The following GRIK3 variants were observed in gnomAD, a reference collection of about 807,000 sequenced individuals.
The protein encoded by GRIK3 is glutamate ionotropic receptor kainate type subunit 3.
Under a neutral mutation model 102.5 loss-of-function variants are expected in GRIK3, and 29 were observed. The observed-to-expected ratio is 0.28, with a 90% CI of 0.21 to 0.39. The LOEUF (loss-of-function observed/expected upper bound fraction) is 0.39, where lower values mean the gene tolerates loss of function less well. Among genes scored for constraint, GRIK3 ranks in the 10% least tolerant of loss-of-function variants. The pLI, the probability that GRIK3 is intolerant of heterozygous loss-of-function variation, is 1.00. For missense variants in GRIK3, 908 were observed against 1,252.4 expected, an observed-to-expected ratio of 0.73 and a Z score of 4.15; for synonymous variants, 511 against 504.9, an observed-to-expected ratio of 1.01 and a Z score of -0.16.
intron 1 of GRIK3, among the ~76,000 whole-genome samples, chr1:36,934,926 C>T (rs1271216899): frequency 6.6e-6 from 1 of 152,196 alleles, no homozygotes; most frequent in Admixed American, 6.5e-5. Flanking sequence ...TTTTCTTCTC[C>T]ATATCTGGCA....
At chr1:36,997,278 T>G (rs1395705271) in intron 1 of GRIK3, among the ~76,000 whole-genome samples, 2 of 152,176 alleles carry the variant, frequency 1.3e-5, no homozygotes, top group African/African-American at 4.8e-5. Context: ...GAGCAAGGTT[T>G]ATGGCGCGTT....
chr1:36,952,871 G>C (rs529043241), intron 1 of GRIK3, among the ~76,000 whole-genome samples: 1 of 152,306 alleles, frequency 6.6e-6, no homozygotes, highest in South Asian at 2.1e-4. Context: ...GCCAAATCTG[G>C]AGGAGAGGGA....
At chr1:36,990,622 A>C (rs1642354616) in intron 1 of GRIK3, among the ~76,000 whole-genome samples, 1 of 152,198 alleles carries the variant, frequency 6.6e-6, no homozygotes, top group South Asian at 2.1e-4. Context: ...CAACTTGAGA[A>C]GGAGAAAAAT....
chr1:36,805,407 G>A (rs1642488377), intron 14 of GRIK3, among the ~76,000 whole-genome samples, 170 bp from the exon 15 acceptor site: 1 of 152,216 alleles, frequency 6.6e-6, no homozygotes, highest in Non-Finnish European at 1.5e-5. Flanking sequence ...ATCTGGGTGA[G>A]TGGAAATGTC....
chr1:36,806,233 C>T lies in GRIK3; in HGVS notation c.2185G>A (p.Ala729Thr). 1 of 1,614,050 alleles carries T rather than the reference C, an allele frequency of 6.2e-7. No homozygotes were observed. Among genetic ancestry groups the T allele is most frequent in the Non-Finnish European group, 8.5e-7 (1 of 1,179,884 alleles). ...AGCAGCGCGTAGTCGGCCGTCAGGG[C>T]CCTCTGGATGCCCTCCTCGTTGTTC... Reference protein sequence around the residue: ...VKNNEEGIQRALTADYALLME... With the variant: ...VKNNEEGIQRTLTADYALLME... Residue 729 changes from alanine to threonine, a missense_variant, in exon 14 of 16, where the codon GCC (alanine) becomes ACC (threonine). Coordinates refer to ENST00000373091, the MANE Select transcript of GRIK3 (RefSeq NM_000831.4). This position sits in a 1 kb window ranked among gnomAD's most constrained non-coding sequence, Gnocchi z 4.0.
At chr1:36,828,289 C>T (rs978654302) in intron 10 of GRIK3, among the ~76,000 whole-genome samples, 1 of 152,158 alleles carries the variant, frequency 6.6e-6, no homozygotes, top group Non-Finnish European at 1.5e-5. Flanking sequence ...TGTAGAAGGT[C>T]TTTGATTCCA....
In GRIK3 at chr1:37,033,981, A is replaced by G. The variant is rs1213657470; in HGVS notation, c.115+13T>C. The G allele has an allele frequency of 2.2e-5, 33 of 1,514,826 alleles. No homozygotes were observed. Among genetic ancestry groups the G allele is most frequent in the Non-Finnish European group, 2.7e-5 (30 of 1,106,328 alleles). 93.8% of individuals were successfully genotyped at this position (1,514,826 alleles called of 1,614,324 possible). On this transcript the variant is annotated intron_variant, in intron 1 of 15. Coordinates refer to ENST00000373091, the MANE Select transcript of GRIK3 (RefSeq NM_000831.4). ...CGGGCGCACGGAGACCCCCGGCTCC[A>G]GGGAGCGCTTACCGATCCGGATGAC...
chr1:36,931,002 G>A (rs1422653072), intron 1 of GRIK3, among the ~76,000 whole-genome samples: 1 of 152,194 alleles, frequency 6.6e-6, no homozygotes, highest in Non-Finnish European at 1.5e-5. Flanking sequence ...GCACAGCATA[G>A]TCTCAGGGAC....
intron 1 of GRIK3, among the ~76,000 whole-genome samples, chr1:36,893,849 G>T (rs1415222480): frequency 6.6e-6 from 1 of 152,176 alleles, no homozygotes; most frequent in Non-Finnish European, 1.5e-5. Context: ...ATATTTTTAA[G>T]TGAACAGTGA....
intron 3 of GRIK3, among the ~76,000 whole-genome samples, chr1:36,873,280 C>G (rs938644037): frequency 2.6e-5 from 4 of 152,200 alleles, no homozygotes; most frequent in African/African-American, 9.6e-5. Context: ...TCCTCCCACA[C>G]TGAAAAATCT....
intron 1 of GRIK3, among the ~76,000 whole-genome samples, chr1:36,946,036 G>T (rs1291523878): frequency 6.6e-6 from 1 of 152,250 alleles, no homozygotes; most frequent in Admixed American, 6.5e-5. Context: ...CTGACAGAAA[G>T]TGAGAGAGAA....
intron 1 of GRIK3, among the ~76,000 whole-genome samples, chr1:36,951,780 G>A (rs576463792): frequency 5.3e-5 from 8 of 152,086 alleles, no homozygotes; most frequent in African/African-American, 1.9e-4. Flanking sequence ...AGGGGCTGAG[G>A]AAGACGAGGA....
chr1:36,908,355 A>G (rs1641309086), intron 1 of GRIK3, among the ~76,000 whole-genome samples: 1 of 152,042 alleles, frequency 6.6e-6, no homozygotes, highest in South Asian at 2.1e-4. Context: ...TAACTGCTAA[A>G]TGGCCAAGGT....
intron 2 of GRIK3, among the ~76,000 whole-genome samples, chr1:36,881,795 C>T (rs1481182892): frequency 6.6e-6 from 1 of 152,182 alleles, no homozygotes; most frequent in Admixed American, 6.5e-5. Flanking sequence ...GGCCAGAGAT[C>T]CTGCTTGTTG....
chr1:36,925,036 C>A (rs1424888270), intron 1 of GRIK3, among the ~76,000 whole-genome samples: 1 of 152,162 alleles, frequency 6.6e-6, no homozygotes, highest in Non-Finnish European at 1.5e-5. Flanking sequence ...CCTGACAACC[C>A]AAAATGGTAG....
intron 1 of GRIK3, among the ~76,000 whole-genome samples, chr1:36,986,814 C>T (rs1166870293): frequency 2.0e-5 from 3 of 152,164 alleles, no homozygotes; most frequent in African/African-American, 7.2e-5. Context: ...GAACACATTC[C>T]GACTTACCTT....
intron 1 of GRIK3, among the ~76,000 whole-genome samples, chr1:36,941,476 G>A (rs1051783472): frequency 7.2e-5 from 11 of 152,304 alleles, no homozygotes; most frequent in Middle Eastern, 3.4e-3. Flanking sequence ...GTGGCTTCAC[G>A]GGACAGGAGA....
chr1:36,999,531 G>A (rs1642453463), intron 1 of GRIK3, among the ~76,000 whole-genome samples: 1 of 152,004 alleles, frequency 6.6e-6, no homozygotes, highest in Non-Finnish European at 1.5e-5. Context: ...GAGGCCTGAG[G>A]CAGCTGGAAA....
intron 9 of GRIK3, among the ~76,000 whole-genome samples, chr1:36,847,109 A>G (rs1374043852): frequency 6.6e-6 from 1 of 152,232 alleles, no homozygotes; most frequent in Non-Finnish European, 1.5e-5. Context: ...AGTATTTGAT[A>G]CTACATGATG....
Sources: allele counts gnomAD v4.1 joint callset (sites outside exome capture counted in the v4.1 genomes callset), GRCh38; gene constraint gnomAD v4.1.1; non-coding constraint Gnocchi (gnomAD v3.1); transcripts MANE v1.5; gene names NCBI Gene and HGNC (gene_info 2026-07-23, HGNC 2026-07-21).